Variants in ZNF445 observed in about 807,000 individuals in gnomAD.
ZNF445 encodes the protein zinc finger protein 168.
In ZNF445, 19 loss-of-function variants were observed where a neutral mutation model predicts 93.9. The observed-to-expected ratio is 0.20, with a 90% CI of 0.14 to 0.30. The LOEUF (loss-of-function observed/expected upper bound fraction) is 0.30. Ranked by LOEUF, ZNF445 falls within the 10% of genes least tolerant of loss-of-function variation. The pLI is 1.00. For synonymous variants in ZNF445, 449 were observed against 446.3 expected (o/e 1.01, Z -0.08); for missense variants, 1,058 against 1,259.4 (o/e 0.84, Z 2.42).
intron 4 of ZNF445, 146 bp downstream of exon 4, chr3:44,451,168 G>C: frequency 8.7e-7 from 1 of 1,151,580 alleles, no homozygotes; most frequent in Non-Finnish European, 1.3e-6. Flanking sequence ...GCCACATATA[G>C]GTTATAGAAT....
intron 1 of ZNF445, among the ~76,000 whole-genome samples, chr3:44,463,624 G>A (rs1698151351): frequency 6.6e-6 from 1 of 152,116 alleles, no homozygotes; most frequent in African/African-American, 2.4e-5. Flanking sequence ...TAACTAAGTA[G>A]GAAATATACT....
intron 1 of ZNF445, among the ~76,000 whole-genome samples, chr3:44,465,718 G>A (rs901028441): frequency 1.3e-5 from 2 of 152,158 alleles, no homozygotes; most frequent in African/African-American, 4.8e-5. Flanking sequence ...TTCAAGGCCA[G>A]CCTGGCCAAC....
At position 44,435,123 on chromosome 3, in the gene ZNF445, T is replaced by A. The variant is rs945138431; in HGVS notation, c.*11452A>T. Reference sequence around the variant, plus strand: ...GCCACCATTTTCTGCACATATGTCATATGAACCCCAATTATGACTGCATTT... The same window carrying A: ...GCCACCATTTTCTGCACATATGTCAAATGAACCCCAATTATGACTGCATTT... On this transcript the variant is annotated 3_prime_UTR_variant, in exon 8 of 8. Coordinates refer to ENST00000396077, the MANE Select transcript of ZNF445 (RefSeq NM_181489.6). The A allele has an allele frequency of 6.6e-6, 1 of 152,134 alleles. No individual in the cohort carries two copies. Among genetic ancestry groups the A allele is most frequent in the Non-Finnish European group, 1.5e-5 (1 of 68,042 alleles). The allele number at this position is 152,134 out of a possible 1,614,324, so 9.4% of individuals were successfully genotyped here.
intron 1 of ZNF445, among the ~76,000 whole-genome samples, chr3:44,466,162 A>G (rs1698191490): frequency 6.6e-6 from 1 of 152,220 alleles, no homozygotes; most frequent in Non-Finnish European, 1.5e-5. Context: ...CCTCTATCAG[A>G]GTAAAGGTTT....
In ZNF445 at chr3:44,458,836, C is replaced by G. The variant is rs568146803; in HGVS notation, c.-268-472G>C. 6.3e-4 allele frequency among the ~76,000 whole-genome samples: 96 copies of G among 152,210 alleles called. 1 individual carries two copies. The highest frequency in any genetic ancestry group is 1.7e-3 in the Admixed American group (26 of 15,274). On this transcript the variant is annotated intron_variant, in intron 1 of 7. Coordinates refer to ENST00000396077, the MANE Select transcript of ZNF445 (RefSeq NM_181489.6). ...TATCGGATTGTAGGTCATAAGATGC[C>G]CATTTCAGGAGTCCTGCCTCATACT...
rs766224837 is a variant in ZNF445 at position 44,446,966 on chromosome 3, C to T, written c.2705G>A (p.Gly902Glu). ...TERPFKCQWC[G>E]KEFIGRHTLS... ...GGTATGTCTCCCAATGAACTCTTTC[C>T]CACACCACTGACATTTGAAAGGTCT... The change falls in exon 8 of 8, where the codon GGG becomes GAG. Residue 902 changes from glycine (G) to glutamate (E), a missense_variant. Transcript: ENST00000396077. This position sits in a 1 kb window ranked among gnomAD's most constrained non-coding sequence, Gnocchi z 4.2. 1 of 1,614,198 alleles carries T rather than the reference C, an allele frequency of 6.2e-7. No homozygotes were observed. The highest frequency in any genetic ancestry group is 1.1e-5 in the South Asian group (1 of 91,080).
chr3:44,446,614 C>T lies in ZNF445; in HGVS notation c.3057G>A (p.Ser1019=), dbSNP rs138819490. 34 of 1,614,076 alleles carry T rather than the reference C, an allele frequency of 2.1e-5. No individual in the cohort carries two copies. The highest frequency in any genetic ancestry group is 2.6e-5 in the Non-Finnish European group (31 of 1,180,044). The change falls in exon 8 of 8, where the codon TCG becomes TCA. Residue 1019 remains serine, a synonymous_variant. Coordinates refer to ENST00000396077, the MANE Select transcript of ZNF445 (RefSeq NM_181489.6). This position sits in a 1 kb window ranked among gnomAD's most constrained non-coding sequence, Gnocchi z 4.2. ...GGTTTTTCATATGCCGAGCCAGGTT[C>T]GAAGACCACCTGAAGGTCTTTCCAC... ...SKCGKTFRWS[S]NLARHMKNHI...
In ZNF445 at chr3:44,447,993, G is replaced by T; in HGVS notation, c.1678C>A (p.Arg560=). The change falls in exon 8 of 8, where the codon CGA becomes AGA. Residue 560 remains arginine (R), a synonymous_variant. Transcript: ENST00000396077. This position sits in a 1 kb window ranked among gnomAD's most constrained non-coding sequence, Gnocchi z 4.7. The part of the protein sequence containing the change: ...FRRLSAYRLH[R]ETHAKKKFLE... ...AATTTCTTCTTAGCATGGGTTTCTC[G>T]GTGCAGACGGTAGGCTGACAGGCGT... is the stretch of plus-strand genomic sequence containing the variant. 1 of 1,611,632 alleles carries T rather than the reference G, an allele frequency of 6.2e-7. No homozygotes were observed.
At position 44,433,656 on chromosome 3, in the gene ZNF445, G is replaced by C. The variant is rs1023865607; in HGVS notation, c.*12919C>G. ...CTGGCTTCTGCCCTTAGAGGAGCCG[G>C]ACCTGCAGAGAGAGAGTGGGAAAGT... On this transcript the variant is annotated 3_prime_UTR_variant, in exon 8 of 8. Transcript: ENST00000396077. 1 of 152,288 alleles carries C rather than the reference G, an allele frequency of 6.6e-6. No homozygotes were observed. Among genetic ancestry groups the C allele is most frequent in the African/African-American group, 2.4e-5 (1 of 41,432 alleles). 9.4% of individuals were successfully genotyped at this position (152,288 alleles called of 1,614,324 possible).
At chr3:44,460,592 A>G (rs1319398716) in intron 1 of ZNF445, among the ~76,000 whole-genome samples, 6 of 152,164 alleles carry the variant, frequency 3.9e-5, no homozygotes, top group Non-Finnish European at 8.8e-5. Context: ...GAACTGACTT[A>G]GCACAAGACA....
Position 44,446,970 on chromosome 3 carries a change from A to G in ZNF445, c.2701T>C (p.Cys901Arg), listed in dbSNP as rs1697886072. 1 of 1,614,088 alleles carries G rather than the reference A, an allele frequency of 6.2e-7. No homozygotes were observed. Among genetic ancestry groups the G allele is most frequent in the Non-Finnish European group, 8.5e-7 (1 of 1,180,040 alleles). Residue 901 changes from cysteine (C) to arginine (R), a missense_variant, in exon 8 of 8, where the codon TGT (cysteine) becomes CGT (arginine). This residue lies in a region of ZNF445 where 387 missense variants were observed against 475.7 expected (regional missense o/e 0.81). Coordinates refer to ENST00000396077, the MANE Select transcript of ZNF445 (RefSeq NM_181489.6). This position sits in a 1 kb window ranked among gnomAD's most constrained non-coding sequence, Gnocchi z 4.2. ...STERPFKCQWCGKEFIGRHTL... is the reference protein window; with the variant it reads ...STERPFKCQWRGKEFIGRHTL... The stretch of plus-strand genomic sequence containing the variant: ...TGTCTCCCAATGAACTCTTTCCCAC[A>G]CCACTGACATTTGAAAGGTCTCTCT...
intron 3 of ZNF445, among the ~76,000 whole-genome samples, chr3:44,452,517 G>C (rs1697970654): frequency 6.6e-6 from 1 of 152,118 alleles, no homozygotes; most frequent in Non-Finnish European, 1.5e-5. Flanking sequence ...CCAAATTTGA[G>C]GGGCTTCTCC....
At chr3:44,457,828 C>T (rs888041049) in intron 2 of ZNF445, among the ~76,000 whole-genome samples, 3 of 151,632 alleles carry the variant, frequency 2.0e-5, no homozygotes, top group Non-Finnish European at 4.4e-5. Context: ...CAGTGAAACG[C>T]CATCTCTACT....
Position 44,451,436 on chromosome 3 carries a change from C to T in ZNF445, c.476G>A (p.Gly159Glu), listed in dbSNP as rs773253010. The T allele has an allele frequency of 9.3e-6, 15 of 1,613,498 alleles. No individual in the cohort carries two copies. In the South Asian group the frequency reaches 1.2e-4, roughly 13 times the overall value. ...CCATATCTGTGCAGATCGCAGGGCTCCTGTACCCATCCAATGCACATCTGG... is the reference window on the plus strand; with the variant it reads ...CCATATCTGTGCAGATCGCAGGGCTTCTGTACCCATCCAATGCACATCTGG... ...QSPDVHWMGTGALRSAQIWSL... is the reference protein window; with the variant it reads ...QSPDVHWMGTEALRSAQIWSL... Residue 159 changes from glycine (G) to glutamate (E), a missense_variant, in exon 4 of 8, where the codon GGA (glycine) becomes GAA (glutamate). Physicochemically the swap from Gly to Glu is moderately conservative, Grantham distance 98. Around this residue, in one of 3 missense-constraint regions of ZNF445, gnomAD observed 657 missense variants for 746.4 expected, o/e 0.88. Transcript: ENST00000396077.
At chr3:44,461,938 A>G (rs931964642) in intron 1 of ZNF445, among the ~76,000 whole-genome samples, 2 of 152,176 alleles carry the variant, frequency 1.3e-5, no homozygotes, top group African/African-American at 4.8e-5. Flanking sequence ...AGAGAAAGGG[A>G]GCCCAGAAAC....
chr3:44,449,673 C>A (rs1328818114), intron 6 of ZNF445, 50 bp from the exon 7 acceptor site: 2 of 1,483,238 alleles, frequency 1.3e-6, no homozygotes, highest in Admixed American at 3.4e-5. Flanking sequence ...TGACACAGAA[C>A]TACTCTTCAG....
chr3:44,454,231 C>T (rs1251413599), intron 3 of ZNF445, among the ~76,000 whole-genome samples: 1 of 151,252 alleles, frequency 6.6e-6, no homozygotes. Flanking sequence ...AAAAAGCTTA[C>T]TGAGAAGGAA....
At chr3:44,457,177 A>C (rs888754566) in intron 2 of ZNF445, among the ~76,000 whole-genome samples, 3 of 152,124 alleles carry the variant, frequency 2.0e-5, no homozygotes, top group African/African-American at 2.4e-5. Context: ...GCTCTGAAGG[A>C]ATGTTTGTTT....
In ZNF445 at chr3:44,455,137, T is replaced by C; in HGVS notation, c.413A>G (p.Asp138Gly). Residue 138 changes from aspartate to glycine, a missense_variant, in exon 3 of 8, where the codon GAT becomes GGT. Asp to Gly is a moderately conservative substitution (Grantham distance 94). This residue lies in a region of ZNF445 where 657 missense variants were observed against 746.4 expected (regional missense o/e 0.88). Coordinates refer to ENST00000396077, the MANE Select transcript of ZNF445 (RefSeq NM_181489.6). The part of the protein sequence containing the change: ...ALLEELQRDL[D>G]GTSWRDPGPA... ...CACACTCACCCTCCAGGATGTCCCA[T>C]CAAGGTCCCTCTGCAGCTCCTCCAG... The C allele has an allele frequency of 1.2e-6, 2 of 1,614,066 alleles. No individual in the cohort carries two copies. The highest frequency in any genetic ancestry group is 1.7e-6 in the Non-Finnish European group (2 of 1,180,002).
Sources: gnomAD v4.1 joint callset for allele counts (sites outside exome capture counted in the v4.1 genomes callset) on GRCh38, gnomAD v4.1.1 for gene constraint, gnomAD v4.1.1 regional missense constraint, Gnocchi (gnomAD v3.1) non-coding constraint, MANE v1.5 for transcripts, NCBI Gene and HGNC (gene_info 2026-07-23, HGNC 2026-07-21) for gene names.